The following DNAJC10 variants were observed in gnomAD, a reference collection of about 807,000 sequenced individuals.
DNAJC10 encodes the protein DnaJ heat shock protein family (Hsp40) member C10, also known as endoplasmic reticulum disulfide reductase DNAJC10.
DNAJC10 carries 101 observed loss-of-function variants against 115.0 expected under a neutral mutation model. The observed-to-expected ratio is 0.88, with a 90% confidence interval of 0.75 to 1.04. The LOEUF (loss-of-function observed/expected upper bound fraction) is 1.04, where lower values mean the gene tolerates loss of function less well. Ranked by LOEUF, DNAJC10 falls within the 50% of genes least tolerant of loss-of-function variation. The probability of loss-of-function intolerance (pLI) is 0.00; values close to 1 mark genes in which losing one functional copy is unlikely to be tolerated. For synonymous variants in DNAJC10, 307 were observed against 301.5 expected (o/e 1.02, Z -0.19); for missense variants, 981 against 928.8 (o/e 1.06, Z -0.73).
chr2:182,739,566 A>T, intron 11 of DNAJC10: 1 of 1,228,992 alleles, frequency 8.1e-7, no homozygotes, highest in Non-Finnish European at 1.0e-6. Context: ...AGAGAATCAG[A>T]CCAGCAGAGA....
intron 11 of DNAJC10, chr2:182,739,656 C>T (rs888178969): frequency 4.6e-6 from 5 of 1,087,942 alleles, no homozygotes; most frequent in East Asian, 8.5e-5. Flanking sequence ...CTTTTATACT[C>T]GTTTGTGTTT....
At chr2:182,753,669 A>AC (rs1474030502) in intron 16 of DNAJC10, among the ~76,000 whole-genome samples, 1 of 130,620 alleles carries the variant, frequency 7.7e-6, no homozygotes, top group Non-Finnish European at 1.5e-5. Flanking sequence ...TGCAAGCTCC[A>AC]CCCCCCGGGT....
rs1405501973 is a variant in DNAJC10, at chr2:182,778,740, C to CTT, written c.*1609_*1610dup. On this transcript the variant is annotated 3_prime_UTR_variant, in exon 24 of 24. Transcript: ENST00000264065. ...TATGGAACAGTCACCACTTGTCACA[C>CTT]TTAACACCAGCTTTTTGAATTATGA... The CTT allele has an allele frequency of 2.0e-5, 3 of 152,208 alleles. No individual in the cohort carries two copies. In the East Asian group the frequency reaches 5.8e-4, roughly 29 times the overall value. The allele number at this position is 152,208 out of a possible 1,614,324, so 9.4% of individuals were successfully genotyped here.
chr2:182,748,125 A>T (rs527698392), intron 14 of DNAJC10, among the ~76,000 whole-genome samples: 3 of 145,444 alleles, frequency 2.1e-5, no homozygotes, highest in African/African-American at 5.4e-5. Flanking sequence ...TGCTGGATTC[A>T]GTTTGCCAGT....
rs574423129 is a variant in DNAJC10, at chr2:182,756,574, C to T, written c.1809+105C>T. 1,180 of 1,110,946 alleles carry T rather than the reference C, an allele frequency of 1.1e-3. 4 individuals are homozygous for T. The highest frequency in any genetic ancestry group is 1.3e-3 in the Admixed American group (54 of 42,706). The allele number at this position is 1,110,946 out of a possible 1,614,324, so 68.8% of individuals were successfully genotyped here. A position where few individuals can be genotyped will look rare whatever the true frequency, so the allele number is the denominator to read the frequency against. ...GAATGAACCCACAACTAAATTATTA[C>T]TTAATAACAGTACTGATCATACCAC... On this transcript the variant is annotated intron_variant, in intron 18 of 23. Coordinates refer to ENST00000264065, the MANE Select transcript of DNAJC10 (RefSeq NM_018981.4).
chr2:182,768,557 G>A (rs73975516), intron 22 of DNAJC10, among the ~76,000 whole-genome samples: 3 of 152,228 alleles, frequency 2.0e-5, no homozygotes, highest in African/African-American at 7.2e-5. Flanking sequence ...AAACCAGGTG[G>A]GCAGTTACAC....
At chr2:182,718,562 T>G (rs988024005) in intron 3 of DNAJC10, among the ~76,000 whole-genome samples, 2 of 152,206 alleles carry the variant, frequency 1.3e-5, no homozygotes, top group African/African-American at 4.8e-5. Flanking sequence ...CAAACGATAA[T>G]ATCCGTGAAG....
In DNAJC10 at chr2:182,753,579, G is replaced by GTTTTTTTTT. The variant is rs56151760; in HGVS notation, c.1551+1404_1552-1403dup. On this transcript the variant is annotated intron_variant, in intron 16 of 23. Transcript: ENST00000264065. ...TCTTAATTTTAATTTCTTTAGTTTA[G>GTTTTTTTTT]TTTTTTTTTTTTTTTTTTTTTGAGA... Among the ~76,000 whole-genome samples, 77 of 99,400 alleles carry GTTTTTTTTT rather than the reference G, an allele frequency of 7.7e-4. 1 individual carries two copies. The highest frequency in any genetic ancestry group is 8.6e-4 in the Non-Finnish European group (46 of 53,434). The allele number at this position is 99,400 out of a possible 152,430, so 65.2% of individuals were successfully genotyped here. A position where few individuals can be genotyped will look rare whatever the true frequency, so the allele number is the denominator to read the frequency against.
At chr2:182,730,656 A>G (rs1693421538) in intron 8 of DNAJC10, 25 of 399,204 alleles carry the variant, frequency 6.3e-5, no homozygotes, top group South Asian at 4.6e-4. Flanking sequence ...GCCTTAGGAG[A>G]TCACTGTGTA....
intron 9 of DNAJC10, 119 bp downstream of exon 9, chr2:182,731,226 G>C (rs1196066859): frequency 6.4e-6 from 4 of 622,232 alleles, no homozygotes; most frequent in Admixed American, 6.8e-5. Flanking sequence ...TTATGCCCAG[G>C]ATTACAATTT....
At chr2:182,741,609 T>C (rs1038494179) in intron 13 of DNAJC10, among the ~76,000 whole-genome samples, 1 of 152,176 alleles carries the variant, frequency 6.6e-6, no homozygotes, top group African/African-American at 2.4e-5. Flanking sequence ...GAATGCATAC[T>C]GTAGGAGGTT....
chr2:182,744,260 A>G (rs1251482994), intron 14 of DNAJC10, among the ~76,000 whole-genome samples: 1 of 152,220 alleles, frequency 6.6e-6, no homozygotes, highest in Non-Finnish European at 1.5e-5. Flanking sequence ...AAAGAAACAC[A>G]CAGACTACCA....
intron 23 of DNAJC10, among the ~76,000 whole-genome samples, chr2:182,776,662 A>G (rs1694714517): frequency 6.6e-6 from 1 of 152,104 alleles, no homozygotes; most frequent in African/African-American, 2.4e-5. Flanking sequence ...CCTCAAGAAT[A>G]TTTTTTACGA....
In DNAJC10 at chr2:182,775,355, A is replaced by C. The variant is rs764863281; in HGVS notation, c.2305A>C (p.Lys769Gln). Residue 769 changes from lysine to glutamine, a missense_variant, in exon 23 of 24, where the codon AAA (lysine) becomes CAA (glutamine). Lys to Gln is a moderately conservative substitution (Grantham distance 53). Transcript: ENST00000264065. The stretch of plus-strand genomic sequence containing the variant: ...AGAGCAGATAAATACCAGAGATGCA[A>C]AAGCAATCGCTGCCTTAATAAGTGA... ...QEEQINTRDAKAIAALISEKL... is the reference protein window; with the variant it reads ...QEEQINTRDAQAIAALISEKL... 6.2e-7 allele frequency: 1 copy of C among 1,613,118 alleles called. No homozygotes were observed. Among genetic ancestry groups the C allele is most frequent in the African/African-American group, 1.3e-5 (1 of 74,914 alleles).
chr2:182,759,185 C>G lies in DNAJC10; in HGVS notation c.2023C>G (p.Leu675Val). Residue 675 changes from leucine (L) to valine (V), a missense_variant, in exon 21 of 24, where the codon CTA (leucine) becomes GTA (valine). Transcript: ENST00000264065. ...ATTTTTACCTCAAGTATCCACAGAT[C>G]TAACACCTCAGACTTTCAGTGAAAA... is the stretch of plus-strand genomic sequence containing the variant. ...LGFLPQVSTD[L>V]TPQTFSEKVL... 1 of 1,600,236 alleles carries G rather than the reference C, an allele frequency of 6.2e-7. No homozygotes were observed. The highest frequency in any genetic ancestry group is 8.5e-7 in the Non-Finnish European group (1 of 1,176,704).
At position 182,787,670 on chromosome 2, in the gene DNAJC10, AG is replaced by A. The variant is rs1694973160; in HGVS notation, c.*10539del. On this transcript the variant is annotated 3_prime_UTR_variant, in exon 24 of 24. Transcript: ENST00000264065. ...TGCGGTGGCTCACACCTGTAACTCC[AG>A]CACTTTGGAAGGCCCAGGCAGAAGG... The A allele has an allele frequency of 1.3e-5, 2 of 152,322 alleles. No individual in the cohort carries two copies. Among genetic ancestry groups the A allele is most frequent in the South Asian group, 4.1e-4 (2 of 4,834 alleles). 9.4% of individuals were successfully genotyped at this position (152,322 alleles called of 1,614,324 possible).
chr2:182,748,962 G>T (rs557108088), intron 14 of DNAJC10, among the ~76,000 whole-genome samples: 2 of 151,206 alleles, frequency 1.3e-5, no homozygotes, highest in Non-Finnish European at 3.0e-5. Context: ...GTAGTTGAGC[G>T]GTTTTGAGTG....
intron 4 of DNAJC10, 67 bp downstream of exon 4, chr2:182,720,236 C>T (rs1693116512): frequency 7.7e-7 from 1 of 1,294,426 alleles, no homozygotes; most frequent in Admixed American, 2.1e-5. Flanking sequence ...AATTCTGTTT[C>T]ACCACTTAGC....
intron 3 of DNAJC10, among the ~76,000 whole-genome samples, 160 bp from the exon 4 acceptor site, chr2:182,719,847 T>A (rs1407197026): frequency 6.7e-6 from 1 of 148,184 alleles, no homozygotes; most frequent in African/African-American, 2.5e-5. Flanking sequence ...AAATACTTCA[T>A]TTCAACCCAT....
Sources: allele counts gnomAD v4.1 joint callset (sites outside exome capture counted in the v4.1 genomes callset), GRCh38; gene constraint gnomAD v4.1.1; transcripts MANE v1.5; gene names NCBI Gene and HGNC (gene_info 2026-07-23, HGNC 2026-07-21).